MAP3K5: variants seen among roughly 807,000 people sequenced by gnomAD.
The protein encoded by MAP3K5 is ASK-1.
MAP3K5 carries 56 observed loss-of-function variants against 158.7 expected under a neutral mutation model. The ratio of observed to expected loss-of-function variants is 0.35; its 90% CI spans 0.28 to 0.44. The LOEUF (loss-of-function observed/expected upper bound fraction) is 0.44. MAP3K5 is among the 20% of genes least tolerant of loss of function. The pLI is 1.00. For synonymous variants in MAP3K5, 579 were observed against 601.7 expected (o/e 0.96, Z 0.55); for missense variants, 1,294 against 1,674.8 (o/e 0.77, Z 3.97).
In MAP3K5 at chr6:136,642,508, A is replaced by C. The variant is rs762312289; in HGVS notation, c.1838+12T>G. On this transcript the variant is annotated intron_variant, in intron 12 of 29. Coordinates refer to ENST00000359015, the MANE Select transcript of MAP3K5 (RefSeq NM_005923.4). ...GTCTTATAAGTTAACAAAATGTACC[A>C]AGGAAACTTACCTCACTCCCCTGAC... 5.4e-5 allele frequency: 86 copies of C among 1,596,628 alleles called. No homozygotes were observed. The highest frequency in any genetic ancestry group is 6.8e-5 in the Non-Finnish European group (79 of 1,164,698).
chr6:136,669,120 C>T (rs1410749973), intron 8 of MAP3K5, among the ~76,000 whole-genome samples, 163 bp downstream of exon 8: 2 of 152,136 alleles, frequency 1.3e-5, no homozygotes, highest in African/African-American at 4.8e-5. Flanking sequence ...TTCTGTACAA[C>T]AGTATGAAAC....
intron 1 of MAP3K5, among the ~76,000 whole-genome samples, chr6:136,780,008 T>C (rs528104089): frequency 9.0e-4 from 137 of 152,294 alleles, no homozygotes; most frequent in African/African-American, 2.9e-3. Context: ...GAGACAGGCA[T>C]AGGGCCTGCT....
intron 1 of MAP3K5, among the ~76,000 whole-genome samples, chr6:136,787,092 G>A (rs1262306824): frequency 2.0e-5 from 3 of 152,094 alleles, no homozygotes; most frequent in Non-Finnish European, 4.4e-5. Flanking sequence ...GCCAGGTGTG[G>A]TGGCTCACAC....
At chr6:136,575,705 T>C (rs947662575) in intron 25 of MAP3K5, among the ~76,000 whole-genome samples, 5 of 152,266 alleles carry the variant, frequency 3.3e-5, no homozygotes, top group Non-Finnish European at 1.5e-5. Flanking sequence ...TGTGATTAGG[T>C]TGAGGTTGTG....
chr6:136,748,393 G>A (rs920579774), intron 1 of MAP3K5, among the ~76,000 whole-genome samples: 3 of 152,084 alleles, frequency 2.0e-5, no homozygotes, highest in Non-Finnish European at 4.4e-5. Context: ...CATCACCAAG[G>A]TCTGATTGCA....
At chr6:136,786,479 G>A (rs992664950) in intron 1 of MAP3K5, among the ~76,000 whole-genome samples, 11 of 152,056 alleles carry the variant, frequency 7.2e-5, no homozygotes, top group Admixed American at 1.3e-4. Flanking sequence ...TAGCTTTTAC[G>A]GAATTTTCTG....
intron 13 of MAP3K5, among the ~76,000 whole-genome samples, chr6:136,638,349 C>G (rs1255137573): frequency 1.3e-5 from 2 of 152,146 alleles, no homozygotes; most frequent in African/African-American, 4.8e-5. Flanking sequence ...GATGGGAGCA[C>G]TAGCGTAATT....
chr6:136,591,448 G>A (rs1442955055), intron 23 of MAP3K5, among the ~76,000 whole-genome samples: 1 of 152,124 alleles, frequency 6.6e-6, no homozygotes, highest in Non-Finnish European at 1.5e-5. Flanking sequence ...TAGTTATCTT[G>A]TTTTTATTCA....
rs201800196 is a variant in MAP3K5 at position 136,634,562 on chromosome 6, AATGTTTTTCTT to A, written c.2016+2752_2016+2762del. ...GAAATGCAAAGGATAGAAATGTAAG[AATGTTTTTCTT>A]ATGTTTTTCTTTTCTTTTTTTTTTG... On this transcript the variant is annotated intron_variant, in intron 14 of 29. Coordinates refer to ENST00000359015, the MANE Select transcript of MAP3K5 (RefSeq NM_005923.4). Among the ~76,000 whole-genome samples the A allele has an allele frequency of 3.5e-3, 528 of 152,114 alleles. 2 individuals carry two copies. The highest frequency in any genetic ancestry group is 0.011 in the African/African-American group (449 of 41,464).
At chr6:136,656,566 G>T in intron 9 of MAP3K5, 106 bp from the exon 10 acceptor site, 1 of 672,716 alleles carries the variant, frequency 1.5e-6, no homozygotes, top group South Asian at 2.0e-5. Flanking sequence ...GACATTAATA[G>T]TTATGCATTC....
At chr6:136,630,827 T>C (rs1027968722) in intron 14 of MAP3K5, among the ~76,000 whole-genome samples, 6 of 152,236 alleles carry the variant, frequency 3.9e-5, no homozygotes, top group African/African-American at 1.4e-4. Flanking sequence ...TGACTTAGCA[T>C]TGACTACATG....
chr6:136,757,728 A>G (rs980271273), intron 1 of MAP3K5, among the ~76,000 whole-genome samples: 3 of 151,896 alleles, frequency 2.0e-5, no homozygotes, highest in African/African-American at 7.3e-5. Flanking sequence ...CTGGGATTAC[A>G]GGCATGCGCC....
At chr6:136,596,272 G>C (rs1583243170) in intron 21 of MAP3K5, among the ~76,000 whole-genome samples, 1 of 152,204 alleles carries the variant, frequency 6.6e-6, no homozygotes, top group African/African-American at 2.4e-5. Flanking sequence ...GCCCACACAG[G>C]AGAGGGCGAA....
At chr6:136,705,863 C>A (rs1781053175) in intron 2 of MAP3K5, among the ~76,000 whole-genome samples, 1 of 152,112 alleles carries the variant, frequency 6.6e-6, no homozygotes, top group African/African-American at 2.4e-5. Context: ...TCCTGAGCAG[C>A]TAGAAATAAA....
intron 21 of MAP3K5, among the ~76,000 whole-genome samples, chr6:136,595,012 T>A (rs549113850): frequency 6.6e-6 from 1 of 152,194 alleles, no homozygotes; most frequent in Admixed American, 6.5e-5. Flanking sequence ...CTGTATATGC[T>A]TAAGGATGGA....
intron 13 of MAP3K5, 41 bp from the exon 14 acceptor site, chr6:136,637,447 A>C (rs765953664): frequency 8.9e-7 from 1 of 1,125,290 alleles, no homozygotes; most frequent in African/African-American, 1.5e-5. Context: ...TAACACAAAC[A>C]ATAGTAAATA....
intron 24 of MAP3K5, among the ~76,000 whole-genome samples, chr6:136,582,209 T>C (rs549493650): frequency 8.3e-4 from 126 of 152,086 alleles, no homozygotes; most frequent in Middle Eastern, 3.4e-3. Flanking sequence ...TTCATTCTCA[T>C]CCTGGACAGT....
chr6:136,753,580 T>C (rs1035174572), intron 1 of MAP3K5, among the ~76,000 whole-genome samples: 2 of 152,200 alleles, frequency 1.3e-5, no homozygotes, highest in Admixed American at 6.5e-5. Flanking sequence ...TGGTATTAAA[T>C]TGATGGACTC....
chr6:136,769,186 T>G (rs753299694), intron 1 of MAP3K5, among the ~76,000 whole-genome samples: 1 of 152,120 alleles, frequency 6.6e-6, no homozygotes, highest in African/African-American at 2.4e-5. Flanking sequence ...GTGAATGAAG[T>G]ACAGATCCCT....
Sources: gnomAD v4.1 joint callset for allele counts (sites outside exome capture counted in the v4.1 genomes callset) on GRCh38, gnomAD v4.1.1 for gene constraint, MANE v1.5 for transcripts, NCBI Gene and HGNC (gene_info 2026-07-23, HGNC 2026-07-21) for gene names.